The following PCP4 variants were observed in gnomAD, a reference collection of about 807,000 sequenced individuals.
PCP4 encodes the protein calmodulin regulator protein PCP4.
In PCP4, 8 loss-of-function variants were observed where a neutral mutation model predicts 10.0. That is an observed-to-expected ratio of 0.80 (90% CI 0.47 to 1.45). PCP4 has a LOEUF of 1.45. PCP4 is among the 40% of genes most tolerant of loss of function. PCP4 has a pLI of 0.00. For synonymous variants in PCP4, 21 were observed against 23.0 expected (o/e 0.91, Z 0.24); for missense variants, 54 against 74.4 (o/e 0.73, Z 1.01).
intron 2 of PCP4, among the ~76,000 whole-genome samples, chr21:39,909,308 C>T (rs2087528024): frequency 6.6e-6 from 1 of 152,202 alleles, no homozygotes. Context: ...AGGCTGAGCA[C>T]ACCGTTTTCT....
intron 1 of PCP4, among the ~76,000 whole-genome samples, chr21:39,885,314 G>A (rs2087394961): frequency 6.6e-6 from 1 of 152,192 alleles, no homozygotes; most frequent in South Asian, 2.1e-4. Context: ...GCTGTGGGAG[G>A]TGTTGGTTGC....
chr21:39,867,500 A>G lies in PCP4; in HGVS notation c.-2A>G. On this transcript the variant is annotated 5_prime_UTR_variant, in exon 1 of 3. Transcript: ENST00000328619. ...GGACTGAGCTGTTGAGTTAGAGCCA[A>G]CATGAGTGAGGTGAGTGATGCTTCG... 1 of 1,614,154 alleles carries G rather than the reference A, an allele frequency of 6.2e-7. No individual in the cohort carries two copies. The highest frequency in any genetic ancestry group is 1.1e-5 in the South Asian group (1 of 91,082).
intron 1 of PCP4, among the ~76,000 whole-genome samples, chr21:39,884,094 G>T (rs184149462): frequency 6.6e-6 from 1 of 152,254 alleles, no homozygotes; most frequent in East Asian, 1.9e-4. Flanking sequence ...TATTTTTGAG[G>T]TTAAGTTTAT....
intron 1 of PCP4, among the ~76,000 whole-genome samples, chr21:39,891,752 G>A (rs1271799218): frequency 6.6e-6 from 1 of 152,220 alleles, no homozygotes; most frequent in East Asian, 1.9e-4. Context: ...AGGATAGGGG[G>A]CCCTTCCCTT....
intron 2 of PCP4, among the ~76,000 whole-genome samples, chr21:39,909,096 C>A (rs978018980): frequency 6.6e-6 from 1 of 152,044 alleles, no homozygotes; most frequent in Non-Finnish European, 1.5e-5. Context: ...ACATTCTGAA[C>A]GTTCAAGAAG....
chr21:39,895,978 A>AT (rs1225477316), intron 1 of PCP4, among the ~76,000 whole-genome samples: 1 of 152,274 alleles, frequency 6.6e-6, no homozygotes, highest in South Asian at 2.1e-4. Flanking sequence ...TGTCAGGATC[A>AT]TTTTTTGATG....
Position 39,896,564 on chromosome 21 carries a change from T to G in PCP4, c.10-1912T>G, listed in dbSNP as rs143275269. ...TTACCTGATTTAAATCATTTTACAT[T>G]GACTCAGATGGAAGGTGAATGGTAT... On this transcript the variant is annotated intron_variant, in intron 1 of 2. Transcript: ENST00000328619. Among the ~76,000 whole-genome samples, 993 of 152,352 alleles carry G rather than the reference T, an allele frequency of 6.5e-3. 17 individuals are homozygous for G. The highest frequency in any genetic ancestry group is 0.022 in the African/African-American group (916 of 41,582).
chr21:39,884,113 A>C (rs1398907870), intron 1 of PCP4, among the ~76,000 whole-genome samples: 1 of 152,048 alleles, frequency 6.6e-6, no homozygotes, highest in African/African-American at 2.4e-5. Context: ...ATTAAGGTGT[A>C]ATTTACATGT....
At chr21:39,928,340 CA>C (rs1241694810) in intron 2 of PCP4, among the ~76,000 whole-genome samples, 2 of 152,198 alleles carry the variant, frequency 1.3e-5, no homozygotes, top group Non-Finnish European at 2.9e-5. Context: ...CGTTCCTCAC[CA>C]CCCCCCACTT....
chr21:39,876,425 T>C (rs1568849608), intron 1 of PCP4, among the ~76,000 whole-genome samples: 1 of 152,244 alleles, frequency 6.6e-6, no homozygotes, highest in Non-Finnish European at 1.5e-5. Flanking sequence ...GGTTCATCTA[T>C]GTTGTGGCCT....
At chr21:39,875,689 C>T (rs1038056888) in intron 1 of PCP4, among the ~76,000 whole-genome samples, 1 of 152,162 alleles carries the variant, frequency 6.6e-6, no homozygotes, top group African/African-American at 2.4e-5. Context: ...AGATCCATAA[C>T]AGAACTATGG....
In PCP4 at chr21:39,898,418, A is replaced by C; in HGVS notation, c.10-58A>C. ...ATGTTTGCAACAATAAAAGAGACAA[A>C]AGTAATCCCGAGTATATCTGATAAC... is the stretch of plus-strand genomic sequence containing the variant. On this transcript the variant is annotated intron_variant, in intron 1 of 2. Coordinates refer to ENST00000328619, the MANE Select transcript of PCP4 (RefSeq NM_006198.3). 2.9e-6 allele frequency: 4 copies of C among 1,374,826 alleles called. No homozygotes were observed. The South Asian group carries it at 4.7e-5, about 16-fold the overall frequency. 85.2% of individuals were successfully genotyped at this position (1,374,826 alleles called of 1,614,324 possible). A position where few individuals can be genotyped will look rare whatever the true frequency, so the allele number is the denominator to read the frequency against.
chr21:39,889,443 G>A (rs1042826304), intron 1 of PCP4, among the ~76,000 whole-genome samples: 5 of 120,070 alleles, frequency 4.2e-5, no homozygotes, highest in Non-Finnish European at 8.1e-5. Context: ...TTGAGACAGA[G>A]TCTTGCTCTG....
chr21:39,907,832 G>A (rs561156108), intron 2 of PCP4, among the ~76,000 whole-genome samples: 45 of 152,062 alleles, frequency 3.0e-4, no homozygotes, highest in Non-Finnish European at 4.3e-4. Flanking sequence ...ACTTCTACCC[G>A]TTGGACTTTC....
intron 1 of PCP4, among the ~76,000 whole-genome samples, chr21:39,885,538 C>T (rs543472492): frequency 6.6e-6 from 1 of 152,358 alleles, no homozygotes; most frequent in South Asian, 2.1e-4. Context: ...CACATCTCTT[C>T]TTTCTAGCCC....
intron 1 of PCP4, among the ~76,000 whole-genome samples, chr21:39,889,047 C>G (rs1349160365): frequency 6.6e-6 from 1 of 152,204 alleles, no homozygotes; most frequent in African/African-American, 2.4e-5. Flanking sequence ...CACTTCCATC[C>G]CTGCGTGGCT....
intron 1 of PCP4, among the ~76,000 whole-genome samples, chr21:39,893,871 A>G (rs1006042702): frequency 1.3e-5 from 2 of 152,164 alleles, no homozygotes; most frequent in Non-Finnish European, 2.9e-5. Flanking sequence ...ACATGTTTAA[A>G]GAGGGAGGGC....
intron 2 of PCP4, among the ~76,000 whole-genome samples, chr21:39,899,109 T>C (rs1242445887): frequency 6.6e-6 from 1 of 152,186 alleles, no homozygotes; most frequent in Non-Finnish European, 1.5e-5. Context: ...CATATTTTTA[T>C]GGATCAGGAA....
intron 1 of PCP4, among the ~76,000 whole-genome samples, chr21:39,871,654 A>G (rs997228867): frequency 5.9e-5 from 9 of 152,094 alleles, no homozygotes; most frequent in Admixed American, 2.6e-4. Flanking sequence ...ACCAGTTACA[A>G]TCTGGGTTTG....
Sources: gnomAD v4.1 joint callset for allele counts (sites outside exome capture counted in the v4.1 genomes callset) on GRCh38, gnomAD v4.1.1 for gene constraint, MANE v1.5 for transcripts, NCBI Gene and HGNC (gene_info 2026-07-23, HGNC 2026-07-21) for gene names.